HOMER1: variants seen among roughly 807,000 people sequenced by gnomAD.
HOMER1 encodes the protein homer protein homolog 1.
A neutral mutation model predicts 48.9 loss-of-function variants in HOMER1; 3 were observed. The ratio of observed to expected loss-of-function variants is 0.06; its 90% confidence interval spans 0.03 to 0.16. The LOEUF (loss-of-function observed/expected upper bound fraction) is 0.16, where lower values mean the gene tolerates loss of function less well. Among genes scored for constraint, HOMER1 ranks in the 10% least tolerant of loss-of-function variants. HOMER1 has a pLI of 1.00. For synonymous variants in HOMER1, 134 were observed against 146.4 expected (o/e 0.92, Z 0.61); for missense variants, 247 against 411.4 (o/e 0.60, Z 3.46).
At chr5:79,422,472 A>T (rs189168879) in intron 5 of HOMER1, among the ~76,000 whole-genome samples, 1 of 152,268 alleles carries the variant, frequency 6.6e-6, no homozygotes, top group Non-Finnish European at 1.5e-5. Context: ...GAAAGACTGA[A>T]GTACAGAAGC....
At chr5:79,456,145 CA>C (rs66567622) in intron 2 of HOMER1, among the ~76,000 whole-genome samples, 27,948 of 112,268 alleles carry the variant, frequency 0.25, 2,850 homozygotes, top group East Asian at 0.4. Flanking sequence ...GACTCCGTCT[CA>C]AAAAAAAAAA....
chr5:79,394,951 G>A (rs1749344355), intron 8 of HOMER1, among the ~76,000 whole-genome samples: 1 of 152,192 alleles, frequency 6.6e-6, no homozygotes. Context: ...GTGAGACAAT[G>A]TAAATGTGTA....
At chr5:79,445,190 A>G (rs1750842482) in intron 4 of HOMER1, among the ~76,000 whole-genome samples, 1 of 152,212 alleles carries the variant, frequency 6.6e-6, no homozygotes, top group African/African-American at 2.4e-5. Flanking sequence ...TTCTTCAAGA[A>G]AGTTCCATGT....
intron 8 of HOMER1, among the ~76,000 whole-genome samples, chr5:79,381,312 C>A (rs1306830119): frequency 6.6e-6 from 1 of 152,212 alleles, no homozygotes; most frequent in African/African-American, 2.4e-5. Flanking sequence ...AGCCAAAGTG[C>A]CCTGTGCATC....
At chr5:79,465,415 T>G (rs924331679) in intron 1 of HOMER1, among the ~76,000 whole-genome samples, 2 of 152,080 alleles carry the variant, frequency 1.3e-5, no homozygotes, top group African/African-American at 4.8e-5. Context: ...ATTAAAGGTT[T>G]TAAAAAATAA....
chr5:79,494,093 T>G (rs1752358580), intron 1 of HOMER1, among the ~76,000 whole-genome samples: 1 of 152,216 alleles, frequency 6.6e-6, no homozygotes, highest in South Asian at 2.1e-4. Context: ...TTGGCTCTTG[T>G]GACACTATTC....
At chr5:79,379,014 G>A (rs1334654490) in intron 8 of HOMER1, among the ~76,000 whole-genome samples, 4 of 136,000 alleles carry the variant, frequency 2.9e-5, no homozygotes, top group African/African-American at 1.1e-4. Context: ...ACAACTTAGA[G>A]CACAGGGGCC....
At chr5:79,505,006 A>C (rs149523056) in intron 1 of HOMER1, among the ~76,000 whole-genome samples, 1 of 152,322 alleles carries the variant, frequency 6.6e-6, no homozygotes, top group African/African-American at 2.4e-5. Flanking sequence ...GGCTGGGCAC[A>C]GTAGCTCATG....
intron 8 of HOMER1, among the ~76,000 whole-genome samples, chr5:79,391,656 T>C (rs1024769006): frequency 7.9e-5 from 12 of 151,184 alleles, no homozygotes; most frequent in Admixed American, 7.2e-4. Flanking sequence ...TGAGGCAGAA[T>C]AGCTTGAACC....
intron 1 of HOMER1, among the ~76,000 whole-genome samples, chr5:79,465,869 G>C (rs575570584): frequency 6.6e-6 from 1 of 151,828 alleles, no homozygotes; most frequent in Non-Finnish European, 1.5e-5. Flanking sequence ...CTGGGATTAC[G>C]GGCGTGAGCT....
intron 5 of HOMER1, among the ~76,000 whole-genome samples, chr5:79,423,620 CATT>C (rs1459060242): frequency 6.6e-6 from 1 of 152,022 alleles, no homozygotes; most frequent in African/African-American, 2.4e-5. Context: ...AGCACAATAA[CATT>C]ATCGGTGTTT....
intron 1 of HOMER1, among the ~76,000 whole-genome samples, chr5:79,486,443 G>A (rs909178782): frequency 6.6e-5 from 10 of 152,090 alleles, no homozygotes; most frequent in African/African-American, 2.4e-4. Context: ...AAGCATCAAC[G>A]CCAGCAGCAA....
chr5:79,452,405 G>C (rs1159342642), intron 2 of HOMER1, among the ~76,000 whole-genome samples: 1 of 152,112 alleles, frequency 6.6e-6, no homozygotes, highest in Admixed American at 6.5e-5. Flanking sequence ...ATAAAAGTGA[G>C]GAATCATTTC....
intron 5 of HOMER1, among the ~76,000 whole-genome samples, chr5:79,417,582 A>C (rs776114797): frequency 1.3e-5 from 2 of 152,254 alleles, no homozygotes; most frequent in African/African-American, 2.4e-5. Flanking sequence ...TGTTTCTTTC[A>C]ACTCTTATGA....
rs1752979213 is a variant in HOMER1, at chr5:79,512,856, T to G, written c.-82A>C. ...CAAAGGAATTTCTCCGTCTGCTATT[T>G]CGCAGTTGCTTTTCCACCCCCACCC... On this transcript the variant is annotated 5_prime_UTR_variant, in exon 1 of 9. Coordinates refer to ENST00000334082, the MANE Select transcript of HOMER1 (RefSeq NM_004272.5). 5.6e-6 allele frequency: 8 copies of G among 1,430,496 alleles called. No homozygotes were observed. Among genetic ancestry groups the G allele is most frequent in the Admixed American group, 5.1e-5 (3 of 59,140 alleles). 88.6% of individuals were successfully genotyped at this position (1,430,496 alleles called of 1,614,324 possible).
chr5:79,503,590 C>T (rs1244468053), intron 1 of HOMER1, among the ~76,000 whole-genome samples: 3 of 150,280 alleles, frequency 2.0e-5, no homozygotes, highest in Admixed American at 6.6e-5. Context: ...CCTGTAATCT[C>T]AGCACTTTGG....
intron 1 of HOMER1, chr5:79,510,862 A>G: frequency 1.4e-6 from 1 of 709,540 alleles, no homozygotes; most frequent in African/African-American, 1.7e-5. Flanking sequence ...TCAGGCTCCC[A>G]AAGGTGCCCA....
chr5:79,511,112 C>T (rs950296554), intron 1 of HOMER1, among the ~76,000 whole-genome samples: 2 of 152,218 alleles, frequency 1.3e-5, no homozygotes, highest in African/African-American at 4.8e-5. Flanking sequence ...CATGATGCTA[C>T]TACTCCACAG....
At chr5:79,509,354 C>G (rs1373501281) in intron 1 of HOMER1, among the ~76,000 whole-genome samples, 1 of 152,166 alleles carries the variant, frequency 6.6e-6, no homozygotes, top group Non-Finnish European at 1.5e-5. Context: ...GCTGATGGCA[C>G]TAGGTTGCCA....
Sources: gnomAD v4.1 joint callset for allele counts (sites outside exome capture counted in the v4.1 genomes callset) on GRCh38, gnomAD v4.1.1 for gene constraint, MANE v1.5 for transcripts, NCBI Gene and HGNC (gene_info 2026-07-23, HGNC 2026-07-21) for gene names.